Variants in OSBP observed in about 807,000 individuals in gnomAD.
OSBP encodes the protein oxysterol-binding protein 1.
OSBP carries 32 observed loss-of-function variants against 96.6 expected under a neutral mutation model. The observed-to-expected ratio is 0.33, with a 90% confidence interval of 0.25 to 0.45. The LOEUF is 0.45. Among genes scored for constraint, OSBP ranks in the 20% least tolerant of loss-of-function variants. The probability of loss-of-function intolerance (pLI) is 1.00; values close to 1 mark genes in which losing one functional copy is unlikely to be tolerated. For synonymous variants in OSBP, 369 were observed against 389.6 expected (o/e 0.95, Z 0.62); for missense variants, 653 against 1,029.7 (o/e 0.63, Z 5.01).
At chr11:59,580,956 T>A (rs1452103521) in intron 10 of OSBP, among the ~76,000 whole-genome samples, 1 of 152,230 alleles carries the variant, frequency 6.6e-6, no homozygotes, top group Non-Finnish European at 1.5e-5. Context: ...GCAACCATTG[T>A]CTTAAGAGAA....
chr11:59,613,356 C>T (rs987237496), intron 1 of OSBP, among the ~76,000 whole-genome samples: 4 of 152,092 alleles, frequency 2.6e-5, no homozygotes, highest in Non-Finnish European at 4.4e-5. Context: ...AAAGTGGTAA[C>T]AAATACTTAA....
At chr11:59,596,700 AGAGAGGAG>A (rs538248077) in intron 7 of OSBP, among the ~76,000 whole-genome samples, 114 of 152,196 alleles carry the variant, frequency 7.5e-4, no homozygotes, top group African/African-American at 2.6e-3. Flanking sequence ...TGGGGGTCCA[AGAGAGGAG>A]GATCAGGAGA....
intron 10 of OSBP, 103 bp from the exon 11 acceptor site, chr11:59,580,372 T>C: frequency 1.3e-6 from 1 of 753,954 alleles, no homozygotes; most frequent in East Asian, 2.5e-5. Context: ...ATTCTAGTAA[T>C]CCCTTGTTTA....
intron 1 of OSBP, among the ~76,000 whole-genome samples, chr11:59,613,635 A>G (rs1275078258): frequency 6.6e-6 from 1 of 152,208 alleles, no homozygotes; most frequent in East Asian, 1.9e-4. Context: ...ATGAGAGAAA[A>G]ATCTGGGGAA....
intron 7 of OSBP, among the ~76,000 whole-genome samples, chr11:59,595,802 G>A (rs185912229): frequency 2.0e-4 from 30 of 151,634 alleles, no homozygotes; most frequent in African/African-American, 5.1e-4. Context: ...AAATTAGCAC[G>A]GTGTGGTGGC....
intron 3 of OSBP, 22 bp from the exon 4 acceptor site, chr11:59,601,860 T>C: frequency 6.2e-7 from 1 of 1,608,284 alleles, no homozygotes; most frequent in Non-Finnish European, 8.5e-7. Context: ...AAGCGTTGAC[T>C]GTGTCAGCTC....
At chr11:59,608,132 T>C (rs1444648514) in intron 3 of OSBP, among the ~76,000 whole-genome samples, 1 of 150,312 alleles carries the variant, frequency 6.7e-6, no homozygotes, top group Non-Finnish European at 1.5e-5. Context: ...AATAAATACA[T>C]ACATACATAC....
At position 59,602,755 on chromosome 11, in the gene OSBP, G is replaced by C. The variant is rs1475597103; in HGVS notation, c.823-917C>G. Among the ~76,000 whole-genome samples the C allele has an allele frequency of 2.0e-5, 3 of 152,308 alleles. No individual in the cohort carries two copies. In the East Asian group the frequency reaches 5.8e-4, roughly 29 times the overall value. On this transcript the variant is annotated intron_variant, in intron 3 of 13. Coordinates refer to ENST00000263847, the MANE Select transcript of OSBP (RefSeq NM_002556.3). ...CCTACCTTAGCCCCGCTGAGCAGTT[G>C]GGACTACAGTTATGTACCACCATGG... is the stretch of plus-strand genomic sequence containing the variant.
intron 9 of OSBP, among the ~76,000 whole-genome samples, chr11:59,583,270 T>A (rs1351428280): frequency 2.6e-5 from 4 of 151,962 alleles, no homozygotes; most frequent in Non-Finnish European, 5.9e-5. Flanking sequence ...CAAGATCACA[T>A]CACTGCACTC....
chr11:59,614,670 A>T (rs1317918861), intron 1 of OSBP, among the ~76,000 whole-genome samples: 1 of 152,268 alleles, frequency 6.6e-6, no homozygotes, highest in Non-Finnish European at 1.5e-5. Context: ...AAGCAAAAAT[A>T]AAAGCAGCAC....
At chr11:59,598,903 A>T (rs779126167) in intron 7 of OSBP, among the ~76,000 whole-genome samples, 13 of 152,198 alleles carry the variant, frequency 8.5e-5, no homozygotes, top group African/African-American at 1.2e-4. Flanking sequence ...ATGCACCCTT[A>T]AATGGTACAG....
Position 59,601,857 on chromosome 11 carries a change from G to T in OSBP, c.823-19C>A. 6.2e-7 allele frequency: 1 copy of T among 1,610,170 alleles called. No individual in the cohort carries two copies. The highest frequency in any genetic ancestry group is 1.1e-5 in the South Asian group (1 of 90,900). ...TGCAGGCCTGTATGGAGAAAGCGTT[G>T]ACTGTGTCAGCTCAACTAGTCAGAG... On this transcript the variant is annotated intron_variant, in intron 3 of 13. Coordinates refer to ENST00000263847, the MANE Select transcript of OSBP (RefSeq NM_002556.3).
At chr11:59,590,747 T>C (rs769309475) in intron 9 of OSBP, among the ~76,000 whole-genome samples, 1 of 152,376 alleles carries the variant, frequency 6.6e-6, no homozygotes, top group East Asian at 1.9e-4. Flanking sequence ...TTCAGCTATA[T>C]CTACTGGCTT....
chr11:59,602,022 A>G (rs1317889932), intron 3 of OSBP, among the ~76,000 whole-genome samples, 184 bp from the exon 4 acceptor site: 1 of 152,202 alleles, frequency 6.6e-6, no homozygotes, highest in East Asian at 1.9e-4. Flanking sequence ...GGTCAAACCC[A>G]GAAAAAAAGT....
intron 1 of OSBP, among the ~76,000 whole-genome samples, chr11:59,612,264 C>A (rs2134711298): frequency 6.6e-6 from 1 of 152,306 alleles, no homozygotes; most frequent in Admixed American, 6.5e-5. Context: ...CCATCTCCTG[C>A]ACCTGCCACA....
Position 59,576,525 on chromosome 11 carries a change from C to T in OSBP, c.*52G>A, listed in dbSNP as rs1860363118. On this transcript the variant is annotated 3_prime_UTR_variant, in exon 14 of 14. Coordinates refer to ENST00000263847, the MANE Select transcript of OSBP (RefSeq NM_002556.3). ...AGTCACAACTTCCAGCTTTCCCACACATCCTCTGTCCTCTTCTCCATTATA... is the reference window on the plus strand; with the variant it reads ...AGTCACAACTTCCAGCTTTCCCACATATCCTCTGTCCTCTTCTCCATTATA... 1 of 1,566,620 alleles carries T rather than the reference C, an allele frequency of 6.4e-7. No individual in the cohort carries two copies. Among genetic ancestry groups the T allele is most frequent in the Admixed American group, 1.9e-5 (1 of 53,502 alleles).
rs1305893835 is a variant in OSBP, at chr11:59,576,702, A to AG, written c.2298dup (p.Tyr767LeufsTer2). ...TTCCGCTCAAACCACAGTGCCTTAT[A>AG]GGGATCATATGGTGTGCCTAAAAGG... On this transcript the variant is annotated frameshift_variant, in exon 14 of 14. Transcript: ENST00000263847. LOFTEE classifies it high-confidence loss of function. The AG allele has an allele frequency of 6.2e-7, 1 of 1,613,882 alleles. No homozygotes were observed. Among genetic ancestry groups the AG allele is most frequent in the African/African-American group, 1.3e-5 (1 of 74,990 alleles).
chr11:59,615,273 G>A, intron 1 of OSBP, 30 bp downstream of exon 1: 1 of 1,557,622 alleles, frequency 6.4e-7, no homozygotes, highest in Admixed American at 1.7e-5. Flanking sequence ...GGGGAGGCAA[G>A]GTGAGCGACA....
intron 1 of OSBP, among the ~76,000 whole-genome samples, chr11:59,611,939 C>T (rs934927824): frequency 6.6e-5 from 10 of 152,238 alleles, no homozygotes; most frequent in African/African-American, 1.9e-4. Context: ...CCCTACCACC[C>T]GCTGGTTATG....
Sources: allele counts gnomAD v4.1 joint callset (sites outside exome capture counted in the v4.1 genomes callset), GRCh38; gene constraint gnomAD v4.1.1; transcripts MANE v1.5; gene names NCBI Gene and HGNC (gene_info 2026-07-23, HGNC 2026-07-21).